SLC22A6: variants seen among roughly 807,000 people sequenced by gnomAD.
The protein encoded by SLC22A6 is PAH transporter.
A neutral mutation model predicts 56.7 loss-of-function variants in SLC22A6; 45 were observed. The ratio of observed to expected loss-of-function variants is 0.79; its 90% CI spans 0.63 to 1.02. The LOEUF is 1.02. Among genes scored for constraint, SLC22A6 ranks in the 50% least tolerant of loss-of-function variants. The pLI, the probability that SLC22A6 is intolerant of heterozygous loss-of-function variation, is 0.00. For synonymous variants in SLC22A6, 291 were observed against 295.9 expected, an observed-to-expected ratio of 0.98 and a Z score of 0.17; for missense variants, 606 against 713.8, an observed-to-expected ratio of 0.85 and a Z score of 1.72.
rs753487528 is a variant in SLC22A6 at position 62,979,740 on chromosome 11, G to C, written c.1246C>G (p.Pro416Ala). 6.2e-7 allele frequency: 1 copy of C among 1,614,014 alleles called. No homozygotes were observed. The highest frequency in any genetic ancestry group is 2.2e-5 in the East Asian group (1 of 44,878). ...GICILLNGVI[P>A]QDQSIVRTSL... Reference sequence around the variant, plus strand: ...GGTGCTCGTGGGTGCTCACCCTGGGGTATCACCCCATTGAGCAGGATGCAG... The same window carrying C: ...GGTGCTCGTGGGTGCTCACCCTGGGCTATCACCCCATTGAGCAGGATGCAG... Residue 416 changes from proline to alanine, a missense_variant, in exon 7 of 10, where the codon CCC (proline) becomes GCC (alanine). Transcript: ENST00000360421.
chr11:62,983,234 C>T lies in SLC22A6; in HGVS notation c.628+303G>A, dbSNP rs556336134. On this transcript the variant is annotated intron_variant, in intron 3 of 9. Transcript: ENST00000360421. This position sits in a 1 kb window ranked among gnomAD's most constrained non-coding sequence, Gnocchi z 4.5. ...TAATTTTTTGTATTTTTAGTAGAGA[C>T]GGGGTTTCACCATGTTAGCCAGGAT... Among the ~76,000 whole-genome samples, 6 of 152,130 alleles carry T rather than the reference C, an allele frequency of 3.9e-5. No homozygotes were observed. The highest frequency in any genetic ancestry group is 2.6e-4 in the Admixed American group (4 of 15,276).
At chr11:62,981,492 T>A in intron 4 of SLC22A6, 109 bp from the exon 5 acceptor site, 1 of 721,566 alleles carries the variant, frequency 1.4e-6, no homozygotes, top group Non-Finnish European at 2.3e-6. Context: ...TTATTTAAGG[T>A]TGGGAACCCA....
rs774974401 is a variant in SLC22A6, at chr11:62,981,092, C to T, written c.930G>A (p.Arg310=). The T allele has an allele frequency of 4.3e-6, 7 of 1,611,614 alleles. No homozygotes were observed. The African/African-American group carries it at 5.3e-5, about 12-fold the overall frequency. Residue 310 remains arginine (R), a synonymous_variant, in exon 6 of 10, where the codon CGG becomes CGA. Transcript: ENST00000360421. ...EGAKLSMEVL[R]ASLQKELTMG... ...TGGTCAGCTCCTTCTGCAGACTGGC[C>T]CGGAGTACCTGCTGGGACCGGCAGA...
chr11:62,981,852 T>G lies in SLC22A6; in HGVS notation c.787A>C (p.Ile263Leu). ...CTAGGCCCCACGCACCAGGAGTAGA[T>G]GAAGAAGGCAAAAAAAGGCGCAGAG... is the stretch of plus-strand genomic sequence containing the variant. ...LVSAPFFAFF[I>L]YSWFFIESAR... The change falls in exon 4 of 10, where the codon ATC becomes CTC. Residue 263 changes from isoleucine (I) to leucine (L), a missense_variant. Transcript: ENST00000360421. 1 of 1,611,348 alleles carries G rather than the reference T, an allele frequency of 6.2e-7. No individual in the cohort carries two copies. Among genetic ancestry groups the G allele is most frequent in the Non-Finnish European group, 8.5e-7 (1 of 1,178,900 alleles).
chr11:62,977,013 C>T (rs2086196807), intron 9 of SLC22A6, 132 bp from the exon 10 acceptor site: 1 of 1,512,522 alleles, frequency 6.6e-7, no homozygotes, highest in Non-Finnish European at 9.1e-7. Flanking sequence ...CCTACTGCTC[C>T]CTGGAGCTGG....
chr11:62,979,495 T>C lies in SLC22A6; in HGVS notation c.1354A>G (p.Met452Val), dbSNP rs774284434. 41 of 1,594,712 alleles carry C rather than the reference T, an allele frequency of 2.6e-5. 1 individual carries two copies. Among genetic ancestry groups the C allele is most frequent in the South Asian group, 9.9e-5 (9 of 90,668 alleles). The part of the protein sequence containing the change: ...FLYTGELYPT[M>V]IRQTGMGMGS... ...CATTAGGCTCCCACTCACCGGATCATTGTGGGATACAGTTCCCCAGTATAC... is the reference window on the plus strand; with the variant it reads ...CATTAGGCTCCCACTCACCGGATCACTGTGGGATACAGTTCCCCAGTATAC... Residue 452 changes from methionine (M) to valine (V), a missense_variant, in exon 8 of 10, where the codon ATG becomes GTG. Transcript: ENST00000360421.
chr11:62,982,889 C>G (rs2086271057), intron 3 of SLC22A6, among the ~76,000 whole-genome samples: 1 of 152,176 alleles, frequency 6.6e-6, no homozygotes, highest in Non-Finnish European at 1.5e-5. Context: ...GAAGCTATGA[C>G]AGCCCTAGGA....
rs760201276 is a variant in SLC22A6, at chr11:62,977,293, G to A, written c.1456C>T (p.Pro486Ser). The A allele has an allele frequency of 4.3e-6, 7 of 1,613,946 alleles. No individual in the cohort carries two copies. The highest frequency in any genetic ancestry group is 2.7e-5 in the African/African-American group (2 of 74,940). ...SMTAELYPSMPLFIYGAVPVA... is the reference protein window; with the variant it reads ...SMTAELYPSMSLFIYGAVPVA... Reference sequence around the variant, plus strand: ...GGAACAGCACCGTAGATGAAGAGAGGCATGGAGGGGTAGAGCTCGGCAGTC... The same window carrying A: ...GGAACAGCACCGTAGATGAAGAGAGACATGGAGGGGTAGAGCTCGGCAGTC... Residue 486 changes from proline (P) to serine (S), a missense_variant, in exon 9 of 10, where the codon CCT becomes TCT. Pro to Ser is a moderately conservative substitution (Grantham distance 74, BLOSUM62 -1). Coordinates refer to ENST00000360421, the MANE Select transcript of SLC22A6 (RefSeq NM_153276.3).
intron 6 of SLC22A6, among the ~76,000 whole-genome samples, chr11:62,980,732 G>A (rs2086243039): frequency 6.6e-6 from 1 of 152,248 alleles, no homozygotes; most frequent in South Asian, 2.1e-4. Context: ...CACTGGTCCT[G>A]ATGAGGTGTC....
At chr11:62,982,077 T>G (rs2086262320) in intron 3 of SLC22A6, 67 bp from the exon 4 acceptor site, 2 of 1,505,350 alleles carry the variant, frequency 1.3e-6, no homozygotes, top group African/African-American at 1.4e-5. Context: ...GGCCCCTCCC[T>G]CCATCCAAAC....
chr11:62,980,019 G>T, intron 6 of SLC22A6, 71 bp from the exon 7 acceptor site: 1 of 1,069,050 alleles, frequency 9.4e-7, no homozygotes. Flanking sequence ...TCAAAACAGT[G>T]GGGGAACTGC....
In SLC22A6 at chr11:62,983,797, TTGAGGACCTCTGAAGTA is replaced by T; in HGVS notation, c.474-123_474-107del. 7.8e-7 allele frequency: 1 copy of T among 1,286,650 alleles called. No individual in the cohort carries two copies. The highest frequency in any genetic ancestry group is 1.5e-5 in the South Asian group (1 of 68,426). The allele number at this position is 1,286,650 out of a possible 1,614,324, so 79.7% of individuals were successfully genotyped here. A position where few individuals can be genotyped will look rare whatever the true frequency, so the allele number is the denominator to read the frequency against. On this transcript the variant is annotated intron_variant, in intron 2 of 9. Transcript: ENST00000360421. This position sits in a 1 kb window ranked among gnomAD's most constrained non-coding sequence, Gnocchi z 4.5. ...TGGATGATGCCTGGGCTGGGGCCTT[TTGAGGACCTCTGAAGTA>T]TGAGGCTGGTGCTGTAGATCCTCAA...
intron 5 of SLC22A6, 55 bp downstream of exon 5, chr11:62,981,205 G>C (rs2086249829): frequency 1.2e-6 from 2 of 1,606,626 alleles, no homozygotes; most frequent in Non-Finnish European, 1.7e-6. Context: ...CCTGGGTTTG[G>C]GGTTTGGGGG....
intron 3 of SLC22A6, among the ~76,000 whole-genome samples, chr11:62,982,389 G>C (rs531474404): frequency 5.9e-5 from 9 of 152,304 alleles, no homozygotes; most frequent in African/African-American, 1.9e-4. Context: ...GAGCATCTTG[G>C]AGGAGGCAGT....
Position 62,979,870 on chromosome 11 carries a change from C to T in SLC22A6, c.1116G>A (p.Val372=). 6.2e-7 allele frequency: 1 copy of T among 1,614,186 alleles called. No individual in the cohort carries two copies. The highest frequency in any genetic ancestry group is 8.5e-7 in the Non-Finnish European group (1 of 1,180,006). The part of the protein sequence containing the change: ...GFGVSIYLIQ[V]IFGAVDLPAK... ...CAGGCAGGTCCACAGCACCAAAGAT[C>T]ACCTGGATTAGGTAGATGCTGACTC... The change falls in exon 7 of 10, where the codon GTG becomes GTA. Residue 372 remains valine, a synonymous_variant. Coordinates refer to ENST00000360421, the MANE Select transcript of SLC22A6 (RefSeq NM_153276.3).
chr11:62,977,403 C>G lies in SLC22A6; in HGVS notation c.1362-16G>C, dbSNP rs2086203217. ...GCCTGTCTGCCTGCAGGGCCCGCAG[C>G]AGATGGGTGTTGGTTAGAGTTCCAG... On this transcript the variant is annotated splice_polypyrimidine_tract_variant and intron_variant, in intron 8 of 9. Transcript: ENST00000360421. 6.2e-7 allele frequency: 1 copy of G among 1,600,558 alleles called. No homozygotes were observed. Among genetic ancestry groups the G allele is most frequent in the African/African-American group, 1.3e-5 (1 of 74,814 alleles).
At position 62,977,260 on chromosome 11, in the gene SLC22A6, CG is replaced by C; in HGVS notation, c.1488del (p.Ala497ProfsTer57). 1 of 1,614,100 alleles carries C rather than the reference CG, an allele frequency of 6.2e-7. No individual in the cohort carries two copies. The highest frequency in any genetic ancestry group is 8.5e-7 in the Non-Finnish European group (1 of 1,180,036). ...GGCAGGAGGACAGTGACAGCGCTGGCGGCCACAGGAACAGCACCGTAGATGA... is the reference window on the plus strand; with the variant it reads ...GGCAGGAGGACAGTGACAGCGCTGGCGCCACAGGAACAGCACCGTAGATGA... ...PLFIYGAVPVAASAVTVLLPE... is the reference protein window; with the variant it reads ...PLFIYGAVPVXASAVTVLLPE... On this transcript the variant is annotated frameshift_variant, in exon 9 of 10. Coordinates refer to ENST00000360421, the MANE Select transcript of SLC22A6 (RefSeq NM_153276.3). LOFTEE classifies it high-confidence loss of function.
chr11:62,983,485 G>GGGT lies in SLC22A6; in HGVS notation c.628+49_628+51dup. The GGGT allele has an allele frequency of 6.5e-7, 1 of 1,542,370 alleles. No homozygotes were observed. Among genetic ancestry groups the GGGT allele is most frequent in the South Asian group, 1.2e-5 (1 of 83,644 alleles). ...CAGGCTGGGAGGGGAGGCTGGAAAG[G>GGGT]GGTTGCTGGGCTGGGTGGCCGGAGG... is the stretch of plus-strand genomic sequence containing the variant. On this transcript the variant is annotated intron_variant, in intron 3 of 9. Transcript: ENST00000360421. The surrounding 1 kb of genome is among the most constrained non-coding windows in gnomAD (Gnocchi z 4.5).
chr11:62,982,510 G>A (rs910309156), intron 3 of SLC22A6, among the ~76,000 whole-genome samples: 4 of 152,218 alleles, frequency 2.6e-5, no homozygotes, highest in African/African-American at 4.8e-5. Context: ...TGCTGGGACA[G>A]GGACTTGGAT....
Sources: allele counts gnomAD v4.1 joint callset (sites outside exome capture counted in the v4.1 genomes callset), GRCh38; gene constraint gnomAD v4.1.1; non-coding constraint Gnocchi (gnomAD v3.1); transcripts MANE v1.5; gene names NCBI Gene and HGNC (gene_info 2026-07-23, HGNC 2026-07-21).